AMMECR1: variants seen among roughly 807,000 people sequenced by gnomAD.
AMMECR1 encodes the protein nuclear protein AMMECR1.
AMMECR1 carries 3 observed loss-of-function variants against 22.5 expected under a neutral mutation model. That is an observed-to-expected ratio of 0.13 (90% confidence interval 0.06 to 0.35). The LOEUF is 0.35. Ranked by LOEUF, AMMECR1 falls within the 10% of genes least tolerant of loss-of-function variation. The pLI is 1.00. For synonymous variants in AMMECR1, 130 were observed against 116.7 expected (o/e 1.11, Z -0.74); for missense variants, 235 against 278.7 (o/e 0.84, Z 1.12).
intron 2 of AMMECR1, among the ~76,000 whole-genome samples, chrX:110,249,018 G>A (rs185813314): frequency 4.6e-4 from 52 of 111,927 alleles, no homozygotes; most frequent in Non-Finnish European, 6.0e-4. Flanking sequence ...AATTCTGATG[G>A]GACTATGGAA....
intron 3 of AMMECR1, 84 bp from the exon 4 acceptor site, chrX:110,202,620 G>A: frequency 3.3e-6 from 2 of 609,112 alleles, no homozygotes; most frequent in East Asian, 7.1e-5. Flanking sequence ...TCAAGAGAAT[G>A]CAGTTCTTCC....
chrX:110,319,784 C>T (rs752696269), upstream of AMMECR1, among the ~76,000 whole-genome samples: 1 of 112,143 alleles, frequency 8.9e-6, no homozygotes, highest in South Asian at 3.7e-4. Flanking sequence ...GATTGGAATG[C>T]TGGCATGTCT....
intron 2 of AMMECR1, among the ~76,000 whole-genome samples, chrX:110,381,243 A>G (rs191269610): frequency 1.2e-4 from 13 of 111,920 alleles, no homozygotes; most frequent in African/African-American, 3.9e-4. Flanking sequence ...GCAAAAAACA[A>G]CCCCATTGAA....
chrX:110,297,383 T>C (rs1343034279), intron 1 of AMMECR1, among the ~76,000 whole-genome samples: 6 of 111,406 alleles, frequency 5.4e-5, no homozygotes, highest in Non-Finnish European at 9.4e-5. Context: ...GCCTCGTGAA[T>C]GGGGCCTTCC....
intron 2 of AMMECR1, among the ~76,000 whole-genome samples, chrX:110,401,240 G>A (rs1208193233): frequency 1.8e-5 from 2 of 111,382 alleles, no homozygotes; most frequent in African/African-American, 3.3e-5. Context: ...TCGCTTGTGT[G>A]TATGGTGAGC....
chrX:110,357,858 C>G (rs2068238542), intron 2 of AMMECR1, among the ~76,000 whole-genome samples: 1 of 111,204 alleles, frequency 9.0e-6, no homozygotes, highest in African/African-American at 3.3e-5. Flanking sequence ...AAGGCAAGAC[C>G]CTGGCCTCAT....
intron 2 of AMMECR1, among the ~76,000 whole-genome samples, chrX:110,388,057 C>T (rs925182565): frequency 6.4e-5 from 7 of 109,963 alleles, no homozygotes; most frequent in Middle Eastern, 4.6e-3. Flanking sequence ...TTAGTAGAGA[C>T]GGGGTTTCAT....
chrX:110,328,437 TC>T (rs1485191583), intron 2 of AMMECR1, among the ~76,000 whole-genome samples: 2 of 90,265 alleles, frequency 2.2e-5, no homozygotes, highest in South Asian at 8.9e-4. Flanking sequence ...TTTCTTTTTC[TC>T]TTTTTTTTTT....
chrX:110,234,427 C>T (rs1315993191), intron 2 of AMMECR1, among the ~76,000 whole-genome samples: 2 of 111,870 alleles, frequency 1.8e-5, no homozygotes, highest in Non-Finnish European at 3.8e-5. Flanking sequence ...AGATTCAATG[C>T]CATCCCCATC....
intron 2 of AMMECR1, among the ~76,000 whole-genome samples, chrX:110,351,006 T>C (rs2068209257): frequency 9.0e-6 from 1 of 111,546 alleles, no homozygotes; most frequent in South Asian, 3.8e-4. Context: ...AAGGATTTCA[T>C]TGCATCAAAA....
chrX:110,345,493 A>AT lies in AMMECR1; in HGVS notation c.-147-27645dup, dbSNP rs1167376219. 2.9e-3 allele frequency among the ~76,000 whole-genome samples: 308 copies of AT among 105,137 alleles called. 2 individuals carry two copies. Among genetic ancestry groups the AT allele is most frequent in the African/African-American group, 0.011 (296 of 26,187 alleles). 91.3% of individuals were successfully genotyped at this position (105,137 alleles called of 115,157 possible). ...CATGTACCCTAGAACTTAAAGTGTA[A>AT]TAAAAAAAATATATATATATATATA... On this transcript the variant is annotated intron_variant, in intron 2 of 7. Transcript: ENST00000372057.
chrX:110,339,556 G>C (rs1312004829), intron 2 of AMMECR1, among the ~76,000 whole-genome samples: 2 of 110,922 alleles, frequency 1.8e-5, no homozygotes. Context: ...GAGTGCAACA[G>C]CACGATCTTG....
intron 3 of AMMECR1, among the ~76,000 whole-genome samples, chrX:110,211,691 C>A (rs1315650266): frequency 1.8e-5 from 2 of 112,185 alleles, no homozygotes; most frequent in Admixed American, 1.9e-4. Context: ...ATTTAACAAC[C>A]ATTTTAGCCT....
intron 2 of AMMECR1, among the ~76,000 whole-genome samples, chrX:110,236,241 G>C (rs2067600415): frequency 8.9e-6 from 1 of 111,898 alleles, no homozygotes; most frequent in Non-Finnish European, 1.9e-5. Context: ...CCAGGAGCAT[G>C]CTACATTCAA....
upstream of AMMECR1, among the ~76,000 whole-genome samples, chrX:110,321,581 A>G (rs934076173): frequency 1.8e-5 from 2 of 111,966 alleles, no homozygotes; most frequent in African/African-American, 6.5e-5. Flanking sequence ...TTAATATATT[A>G]TCATTGCCTC....
At chrX:110,315,291 T>C (rs2068042802) in intron 1 of AMMECR1, among the ~76,000 whole-genome samples, 1 of 112,265 alleles carries the variant, frequency 8.9e-6, no homozygotes, top group African/African-American at 3.2e-5. Context: ...TAAATGGAAA[T>C]AAGACAGTCC....
At chrX:110,229,663 G>A (rs1435091477) in intron 2 of AMMECR1, among the ~76,000 whole-genome samples, 1 of 112,292 alleles carries the variant, frequency 8.9e-6, no homozygotes, top group Non-Finnish European at 1.9e-5. Context: ...GTTGGACAGT[G>A]GGAACAGCCC....
intron 1 of AMMECR1, among the ~76,000 whole-genome samples, chrX:110,437,650 A>G (rs2068848615): frequency 9.0e-6 from 1 of 110,884 alleles, no homozygotes; most frequent in Non-Finnish European, 1.9e-5. Flanking sequence ...GAAGTGAATC[A>G]CTGTATCTAC....
chrX:110,278,162 C>A (rs1235851874), intron 1 of AMMECR1, among the ~76,000 whole-genome samples: 1 of 111,576 alleles, frequency 9.0e-6, no homozygotes, highest in Non-Finnish European at 1.9e-5. Context: ...AGGACAGTCA[C>A]CTAAGGCCAG....
Sources: gnomAD v4.1 joint callset for allele counts (sites outside exome capture counted in the v4.1 genomes callset) on GRCh38, gnomAD v4.1.1 for gene constraint, MANE v1.5 for transcripts, NCBI Gene and HGNC (gene_info 2026-07-23, HGNC 2026-07-21) for gene names.